The following TOX2 variants were observed in gnomAD, a reference collection of about 807,000 sequenced individuals.
TOX2 encodes granulosa cell HMG box 1.
A neutral mutation model predicts 47.4 loss-of-function variants in TOX2; 15 were observed. The ratio of observed to expected loss-of-function variants is 0.32; its 90% CI spans 0.21 to 0.49. The LOEUF (loss-of-function observed/expected upper bound fraction) is 0.49, where lower values mean the gene tolerates loss of function less well. TOX2 is among the 20% of genes least tolerant of loss of function. The probability of loss-of-function intolerance (pLI) is 0.99; values close to 1 mark genes in which losing one functional copy is unlikely to be tolerated. For missense variants in TOX2, 622 were observed against 673.1 expected, an observed-to-expected ratio of 0.92 and a Z score of 0.84; for synonymous variants, 290 against 296.6, an observed-to-expected ratio of 0.98 and a Z score of 0.23.
intron 3 of TOX2, among the ~76,000 whole-genome samples, chr20:44,049,119 G>A (rs1468792342): frequency 1.3e-5 from 2 of 152,136 alleles, no homozygotes; most frequent in Non-Finnish European, 2.9e-5. Context: ...AAACAAAACC[G>A]ACATCAAATT....
At chr20:43,999,788 A>G (rs988366202) in intron 2 of TOX2, among the ~76,000 whole-genome samples, 2 of 152,232 alleles carry the variant, frequency 1.3e-5, no homozygotes, top group African/African-American at 4.8e-5. Context: ...GAAAAATAAC[A>G]GGCTGGAGGA....
At chr20:44,014,532 C>G (rs2070841852) in intron 3 of TOX2, among the ~76,000 whole-genome samples, 1 of 152,120 alleles carries the variant, frequency 6.6e-6, no homozygotes, top group Non-Finnish European at 1.5e-5. Flanking sequence ...TGTGGTCAGG[C>G]TGACCTAAGT....
chr20:44,048,437 G>C (rs1453358989), intron 3 of TOX2, among the ~76,000 whole-genome samples: 1 of 103,118 alleles, frequency 9.7e-6, no homozygotes, highest in African/African-American at 3.6e-5. Flanking sequence ...AAACTGACTC[G>C]AGAGAAAATG....
At chr20:43,938,432 G>A (rs759481097) in intron 1 of TOX2, among the ~76,000 whole-genome samples, 5 of 152,126 alleles carry the variant, frequency 3.3e-5, no homozygotes, top group African/African-American at 4.8e-5. Context: ...TGCTTGTCCC[G>A]GAAAGCACGT....
At chr20:43,986,038 G>A (rs1007489345) in intron 2 of TOX2, among the ~76,000 whole-genome samples, 3 of 152,168 alleles carry the variant, frequency 2.0e-5, no homozygotes, top group Admixed American at 6.5e-5. Context: ...GAAGTTCTTT[G>A]TAACTGCCCA....
At chr20:43,986,930 G>A (rs2070278075) in intron 2 of TOX2, among the ~76,000 whole-genome samples, 1 of 152,010 alleles carries the variant, frequency 6.6e-6, no homozygotes, top group South Asian at 2.1e-4. Context: ...CAGGTGTGCT[G>A]GTACATACCT....
intron 3 of TOX2, among the ~76,000 whole-genome samples, chr20:44,011,321 G>C (rs1403727020): frequency 6.6e-6 from 1 of 152,162 alleles, no homozygotes; most frequent in African/African-American, 2.4e-5. Context: ...ACCAGGCATT[G>C]TTCTAGGCTT....
At chr20:43,995,766 G>T (rs907680699) in intron 2 of TOX2, among the ~76,000 whole-genome samples, 2 of 152,132 alleles carry the variant, frequency 1.3e-5, no homozygotes, top group African/African-American at 2.4e-5. Flanking sequence ...TGTGGTATTT[G>T]CTTTTCTGTT....
chr20:43,926,783 A>G (rs918799170), intron 1 of TOX2, among the ~76,000 whole-genome samples: 1 of 152,378 alleles, frequency 6.6e-6, no homozygotes, highest in East Asian at 1.9e-4. Flanking sequence ...CACAGGGGAC[A>G]CTTGGCACCA....
intron 2 of TOX2, among the ~76,000 whole-genome samples, chr20:43,980,720 C>T (rs2070155348): frequency 6.6e-6 from 1 of 152,078 alleles, no homozygotes; most frequent in African/African-American, 2.4e-5. Context: ...ATAAAGGCAC[C>T]AGCAAAACAA....
intron 2 of TOX2, among the ~76,000 whole-genome samples, chr20:43,988,701 G>A (rs1435728625): frequency 6.6e-6 from 1 of 152,178 alleles, no homozygotes; most frequent in Non-Finnish European, 1.5e-5. Flanking sequence ...CTAATATCTG[G>A]TGATGAACAA....
At chr20:43,931,107 C>G (rs1175172384) in intron 1 of TOX2, among the ~76,000 whole-genome samples, 1 of 152,168 alleles carries the variant, frequency 6.6e-6, no homozygotes, top group Non-Finnish European at 1.5e-5. Flanking sequence ...GTGTTTCCCA[C>G]CCACCAGGCA....
In TOX2 at chr20:44,006,648, A is replaced by G. The variant is rs2070686069; in HGVS notation, c.267A>G (p.Glu89=). ...CCCTCCTGCACCTGGGGGACCACGA[A>G]GCCAGCTACCACTCGCTGTGCCACG... ...EPSLLHLGDH[E]ASYHSLCHGL... The change falls in exon 3 of 9, where the codon GAA becomes GAG. Residue 89 remains glutamate (E), a synonymous_variant. Transcript: ENST00000341197. The G allele has an allele frequency of 1.2e-6, 2 of 1,614,052 alleles. No homozygotes were observed. Among genetic ancestry groups the G allele is most frequent in the Non-Finnish European group, 1.7e-6 (2 of 1,180,014 alleles).
chr20:43,929,029 C>T (rs997154250), intron 1 of TOX2, among the ~76,000 whole-genome samples: 6 of 149,576 alleles, frequency 4.0e-5, no homozygotes, highest in African/African-American at 1.5e-4. Context: ...CATGGTGGCT[C>T]GTGCCTGTAA....
intron 1 of TOX2, among the ~76,000 whole-genome samples, chr20:43,949,005 C>T (rs1265000389): frequency 6.6e-6 from 1 of 152,188 alleles, no homozygotes; most frequent in Non-Finnish European, 1.5e-5. Context: ...GCCCCCTAGT[C>T]ATGGGGGGAT....
intron 1 of TOX2, among the ~76,000 whole-genome samples, chr20:43,950,949 CA>C (rs2145385357): frequency 6.6e-6 from 1 of 151,990 alleles, no homozygotes; most frequent in South Asian, 2.1e-4. Flanking sequence ...AGAACCAGCC[CA>C]GCAATCAGAA....
chr20:43,931,631 G>T (rs2069254131), intron 1 of TOX2, among the ~76,000 whole-genome samples: 1 of 152,136 alleles, frequency 6.6e-6, no homozygotes, highest in Non-Finnish European at 1.5e-5. Context: ...TGACTTAAGA[G>T]CAGTGGGAGT....
At chr20:43,944,024 A>G (rs1413231981) in intron 1 of TOX2, among the ~76,000 whole-genome samples, 1 of 152,218 alleles carries the variant, frequency 6.6e-6, no homozygotes, top group Non-Finnish European at 1.5e-5. Flanking sequence ...GCATGCTTAC[A>G]GCTTTGTGTG....
At chr20:43,946,057 C>A in intron 1 of TOX2, 1 of 1,612,742 alleles carries the variant, frequency 6.2e-7, no homozygotes, top group South Asian at 1.1e-5. Flanking sequence ...CGGGTGCCCA[C>A]CGCCCCATGA....
Sources: allele counts gnomAD v4.1 joint callset (sites outside exome capture counted in the v4.1 genomes callset), GRCh38; gene constraint gnomAD v4.1.1; transcripts MANE v1.5; gene names NCBI Gene and HGNC (gene_info 2026-07-23, HGNC 2026-07-21).